Variants in FAM135A observed in about 807,000 individuals in gnomAD.
FAM135A encodes protein FAM135A.
A neutral mutation model predicts 146.8 loss-of-function variants in FAM135A; 79 were observed. The ratio of observed to expected loss-of-function variants is 0.54; its 90% confidence interval spans 0.45 to 0.65. The LOEUF is 0.65. Ranked by LOEUF, FAM135A falls within the 30% of genes least tolerant of loss-of-function variation. The pLI is 0.00. For missense variants in FAM135A, 1,623 were observed against 1,758.2 expected, an observed-to-expected ratio of 0.92 and a Z score of 1.38; for synonymous variants, 562 against 603.6, an observed-to-expected ratio of 0.93 and a Z score of 1.01.
intron 16 of FAM135A, among the ~76,000 whole-genome samples, chr6:70,532,056 G>A (rs1410547802): frequency 6.6e-6 from 1 of 151,252 alleles, no homozygotes; most frequent in Non-Finnish European, 1.5e-5. Flanking sequence ...CTAATTTTTT[G>A]TATTTTTAGT....
chr6:70,539,767 G>A (rs1206481370), intron 20 of FAM135A, among the ~76,000 whole-genome samples: 4 of 151,956 alleles, frequency 2.6e-5, no homozygotes, highest in Admixed American at 6.6e-5. Context: ...AGCCTGAGGC[G>A]GGCGGATCAC....
rs773553058 is a variant in FAM135A, at chr6:70,524,100, T to C, written c.1237T>C (p.Tyr413His). 1 of 1,611,454 alleles carries C rather than the reference T, an allele frequency of 6.2e-7. No homozygotes were observed. Among genetic ancestry groups the C allele is most frequent in the Non-Finnish European group, 8.5e-7 (1 of 1,178,438 alleles). Residue 413 changes from tyrosine (Y) to histidine (H), a missense_variant, in exon 14 of 22, where the codon TAT becomes CAT. Tyr to His is a moderately conservative substitution (Grantham distance 83). This residue lies in a region of FAM135A where 1,061 missense variants were observed against 1,113.8 expected (regional missense o/e 0.95). Transcript: ENST00000418814. Reference sequence around the variant, plus strand: ...ATTACCTATAATCTTTGAAGATAGGTATTTAGATTCAGTTACTGAAGGTAA... The same window carrying C: ...ATTACCTATAATCTTTGAAGATAGGCATTTAGATTCAGTTACTGAAGGTAA... ...NSLPIIFEDRYLDSVTEDLDA... is the reference protein window; with the variant it reads ...NSLPIIFEDRHLDSVTEDLDA...
At chr6:70,497,808 A>G (rs573781960) in intron 11 of FAM135A, among the ~76,000 whole-genome samples, 1 of 152,326 alleles carries the variant, frequency 6.6e-6, no homozygotes, top group Admixed American at 6.5e-5. Flanking sequence ...CCAGCCTTGC[A>G]TCTCAGGGAT....
chr6:70,414,115 C>T (rs903537071), intron 1 of FAM135A: 2 of 880,636 alleles, frequency 2.3e-6, no homozygotes, highest in African/African-American at 3.6e-5. Context: ...GTCTTTTTGC[C>T]CGGGTGGTCC....
intron 2 of FAM135A, among the ~76,000 whole-genome samples, chr6:70,425,648 G>T (rs1769904013): frequency 1.3e-5 from 2 of 152,208 alleles, no homozygotes; most frequent in Admixed American, 1.3e-4. Flanking sequence ...TATTTGAAAT[G>T]TGAGGAAAAC....
intron 10 of FAM135A, among the ~76,000 whole-genome samples, chr6:70,489,641 G>A (rs997430145): frequency 3.3e-5 from 5 of 152,132 alleles, no homozygotes; most frequent in African/African-American, 1.2e-4. Flanking sequence ...AGCAGCCAGT[G>A]CTGGGGAACT....
chr6:70,441,613 A>G (rs1293770454), intron 4 of FAM135A, among the ~76,000 whole-genome samples: 2 of 152,068 alleles, frequency 1.3e-5, no homozygotes, highest in Admixed American at 6.6e-5. Context: ...CTTAGAAATC[A>G]TAATGTATAT....
chr6:70,430,688 T>C (rs1215070228), intron 4 of FAM135A, among the ~76,000 whole-genome samples: 2 of 152,230 alleles, frequency 1.3e-5, no homozygotes, highest in African/African-American at 4.8e-5. Context: ...TGCTTACATC[T>C]TAATTCTTTT....
chr6:70,435,127 A>G (rs1192301303), intron 4 of FAM135A, among the ~76,000 whole-genome samples: 1 of 129,074 alleles, frequency 7.7e-6, no homozygotes, highest in South Asian at 2.4e-4. Context: ...TTTTTTTTAG[A>G]TGGAGTCTCA....
intron 2 of FAM135A, among the ~76,000 whole-genome samples, chr6:70,417,146 T>C (rs564527696): frequency 5.6e-4 from 86 of 152,268 alleles, no homozygotes; most frequent in South Asian, 1.5e-3. Context: ...GAGAAACCAT[T>C]CTGAGAAAAT....
rs111297634 is a variant in FAM135A, at chr6:70,490,471, CTA to C, written c.824-561_824-560del. On this transcript the variant is annotated intron_variant, in intron 10 of 21. Transcript: ENST00000418814. Reference sequence around the variant, plus strand: ...AGCATACATTAAGTAAATCAGAATTCTATGCAAATATCTGCCTCAGTTTAAGA... The same window carrying C: ...AGCATACATTAAGTAAATCAGAATTCTGCAAATATCTGCCTCAGTTTAAGA... Among the ~76,000 whole-genome samples the C allele has an allele frequency of 5.5e-3, 840 of 152,038 alleles. 5 individuals are homozygous for C. Among genetic ancestry groups the C allele is most frequent in the African/African-American group, 0.019 (790 of 41,536 alleles).
chr6:70,482,483 A>G (rs1428003387), intron 10 of FAM135A, among the ~76,000 whole-genome samples: 13 of 152,136 alleles, frequency 8.5e-5, no homozygotes, highest in East Asian at 1.9e-4. Context: ...TAGGAAGGTA[A>G]ATTAAAGCCA....
chr6:70,521,175 A>G (rs1793493961), intron 12 of FAM135A, among the ~76,000 whole-genome samples: 2 of 152,146 alleles, frequency 1.3e-5, no homozygotes, highest in South Asian at 4.1e-4. Flanking sequence ...TAAAGTTTTT[A>G]GTGTGGAGAC....
At chr6:70,432,422 A>G (rs1031199687) in intron 4 of FAM135A, among the ~76,000 whole-genome samples, 3 of 152,186 alleles carry the variant, frequency 2.0e-5, no homozygotes, top group African/African-American at 4.8e-5. Flanking sequence ...GCAAAATTAA[A>G]TTTGTTAAGT....
chr6:70,439,124 T>G (rs1239154009), intron 4 of FAM135A, among the ~76,000 whole-genome samples: 1 of 152,106 alleles, frequency 6.6e-6, no homozygotes, highest in Admixed American at 6.6e-5. Context: ...CGATGAGCTG[T>G]GATTGCACCA....
rs1794710963 is a variant in FAM135A at position 70,526,486 on chromosome 6, C to T, written c.3402C>T (p.Asn1134=). 2 of 1,613,402 alleles carry T rather than the reference C, an allele frequency of 1.2e-6. No individual in the cohort carries two copies. Among genetic ancestry groups the T allele is most frequent in the African/African-American group, 2.7e-5 (2 of 74,968 alleles). The part of the protein sequence containing the change: ...EERLTKSEKI[N]SDYLRDGINM... Reference sequence around the variant, plus strand: ...GACTTACAAAATCTGAAAAAATAAACAGTGACTATCTGAGAGATGGTATAA... The same window carrying T: ...GACTTACAAAATCTGAAAAAATAAATAGTGACTATCTGAGAGATGGTATAA... Residue 1134 remains asparagine, a synonymous_variant, in exon 15 of 22, where the codon AAC becomes AAT. Transcript: ENST00000418814.
chr6:70,488,217 C>G (rs1188567246), intron 10 of FAM135A, among the ~76,000 whole-genome samples: 1 of 151,926 alleles, frequency 6.6e-6, no homozygotes, highest in Non-Finnish European at 1.5e-5. Context: ...GAGTGGAATA[C>G]AGAATATATC....
chr6:70,445,830 T>A (rs1775574476), intron 4 of FAM135A, among the ~76,000 whole-genome samples: 2 of 152,288 alleles, frequency 1.3e-5, no homozygotes, highest in South Asian at 2.1e-4. Flanking sequence ...TGGGGCCAGT[T>A]TAATGGCCAG....
chr6:70,517,415 CTTTT>C (rs746307665), intron 12 of FAM135A, among the ~76,000 whole-genome samples: 17 of 127,098 alleles, frequency 1.3e-4, no homozygotes, highest in African/African-American at 5.1e-4. Flanking sequence ...CGTCTTTTTC[CTTTT>C]TTTTTTTTTT....
Sources: gnomAD v4.1 joint callset for allele counts (sites outside exome capture counted in the v4.1 genomes callset) on GRCh38, gnomAD v4.1.1 for gene constraint, gnomAD v4.1.1 regional missense constraint, MANE v1.5 for transcripts, NCBI Gene and HGNC (gene_info 2026-07-23, HGNC 2026-07-21) for gene names.